The following MCF2 variants were observed in gnomAD, a reference collection of about 807,000 sequenced individuals.
MCF2 encodes proto-oncogene DBL.
In MCF2, 44 loss-of-function variants were observed where a neutral mutation model predicts 82.5. The observed-to-expected ratio is 0.53, with a 90% CI of 0.42 to 0.69. The LOEUF (loss-of-function observed/expected upper bound fraction) is 0.69. Ranked by LOEUF, MCF2 falls within the 30% of genes least tolerant of loss-of-function variation. MCF2 has a pLI of 0.00. For synonymous variants in MCF2, 217 were observed against 224.9 expected, an observed-to-expected ratio of 0.96 and a Z score of 0.32; for missense variants, 623 against 663.1, an observed-to-expected ratio of 0.94 and a Z score of 0.66.
chrX:139,670,091 T>A (rs1238053085), intron 1 of MCF2, among the ~76,000 whole-genome samples: 1 of 111,511 alleles, frequency 9.0e-6, no homozygotes, highest in African/African-American at 3.3e-5. Context: ...AAGGAAAAAT[T>A]TGGTATTTAT....
rs757075883 is a variant in MCF2 at position 139,620,025 on chromosome X, G to A, written c.688-319C>T. ...TGTGTGTGTGTGTGTGTGTGTGTGT[G>A]TGTATATATATATAGCAAATATCTA... is the stretch of plus-strand genomic sequence containing the variant. On this transcript the variant is annotated intron_variant, in intron 6 of 24. Transcript: ENST00000370576. Among the ~76,000 whole-genome samples, 801 of 100,667 alleles carry A rather than the reference G, an allele frequency of 8.0e-3. 13 individuals are homozygous for A. Among genetic ancestry groups the A allele is most frequent in the African/African-American group, 0.029 (752 of 25,748 alleles). The allele number at this position is 100,667 out of a possible 115,157, so 87.4% of individuals were successfully genotyped here.
In MCF2 at chrX:139,679,526, C is replaced by G. The variant is rs747167134; in HGVS notation, c.-44-27738G>C. 2.7e-5 allele frequency among the ~76,000 whole-genome samples: 3 copies of G among 110,713 alleles called. No homozygotes were observed. In the East Asian group the frequency reaches 8.6e-4, roughly 32 times the overall value. ...ATCTTATATCAGGCCCTGTGCAGCA[C>G]TGGGGATAGATACAGAAACCAGTTA... is the stretch of plus-strand genomic sequence containing the variant. On this transcript the variant is annotated intron_variant, in intron 1 of 27. Coordinates refer to the MCF2 transcript ENST00000414978.
intron 1 of MCF2, among the ~76,000 whole-genome samples, chrX:139,638,019 A>T (rs1384085568): frequency 9.0e-6 from 1 of 111,610 alleles, no homozygotes; most frequent in Non-Finnish European, 1.9e-5. Context: ...TCCAGAAGGA[A>T]CACAGCTCTG....
rs56147698 is a variant in MCF2 at position 139,589,818 on chromosome X, A to AT, written c.2370+16dup. 12,083 of 1,128,692 alleles carry AT rather than the reference A, an allele frequency of 0.011. 74 individuals carry two copies. Among genetic ancestry groups the AT allele is most frequent in the Non-Finnish European group, 0.011 (9,230 of 836,637 alleles). 93.0% of individuals were successfully genotyped at this position (1,128,692 alleles called of 1,213,427 possible). A position where few individuals can be genotyped will look rare whatever the true frequency, so the allele number is the denominator to read the frequency against. ...AATGCAGGTTTGGGTTTCTAGAAGAATTTTCAAATGACCAACCTGGACAAT... is the reference window on the plus strand; with the variant it reads ...AATGCAGGTTTGGGTTTCTAGAAGAATTTTTCAAATGACCAACCTGGACAAT... On this transcript the variant is annotated intron_variant, in intron 20 of 24. Transcript: ENST00000370576.
At chrX:139,613,098 A>C (rs1180513393) in intron 10 of MCF2, 118 bp downstream of exon 14, 2 of 449,023 alleles carry the variant, frequency 4.5e-6, no homozygotes, top group Non-Finnish European at 7.7e-6. Flanking sequence ...GGAAAAAGTT[A>C]CTTGCAGGTA....
At chrX:139,628,880 A>C (rs974478924) in intron 4 of MCF2, among the ~76,000 whole-genome samples, 3 of 111,304 alleles carry the variant, frequency 2.7e-5, no homozygotes, top group African/African-American at 9.8e-5. Flanking sequence ...GAGAGCACAA[A>C]CAATTTGCAA....
intron 19 of MCF2, among the ~76,000 whole-genome samples, chrX:139,592,444 G>C (rs1490303153): frequency 2.7e-5 from 3 of 111,469 alleles, no homozygotes; most frequent in Non-Finnish European, 3.8e-5. Flanking sequence ...CAAATTAAAG[G>C]TAAAATAGAA....
chrX:139,680,114 T>G (rs182727552), intron 1 of MCF2, among the ~76,000 whole-genome samples: 1 of 111,558 alleles, frequency 9.0e-6, no homozygotes, highest in East Asian at 2.8e-4. Flanking sequence ...CTTTACTTAT[T>G]TTTTATTATT....
At chrX:139,581,821 T>C (rs938267044) in exon 25 of MCF2, 1 of 112,055 alleles carries the variant, frequency 8.9e-6, no homozygotes, top group Admixed American at 9.5e-5. Flanking sequence ...ACATGAAATA[T>C]ACAGAAAATA....
chrX:139,632,787 G>T (rs972686028), intron 1 of MCF2, among the ~76,000 whole-genome samples: 3 of 111,318 alleles, frequency 2.7e-5, no homozygotes, highest in Admixed American at 9.6e-5. Flanking sequence ...AAAACAAATA[G>T]AATTAGGTGG....
chrX:139,584,363 G>A (rs1368324735), intron 24 of MCF2, among the ~76,000 whole-genome samples: 2 of 110,752 alleles, frequency 1.8e-5, no homozygotes, highest in Non-Finnish European at 3.8e-5. Flanking sequence ...ACTGCCAAAT[G>A]TAATTGATTC....
At chrX:139,596,087 A>C (rs1930067416) in intron 19 of MCF2, among the ~76,000 whole-genome samples, 1 of 111,523 alleles carries the variant, frequency 9.0e-6, no homozygotes, top group African/African-American at 3.3e-5. Flanking sequence ...ACAGAAAGGA[A>C]GGTGGGGACA....
intron 1 of MCF2, among the ~76,000 whole-genome samples, chrX:139,696,869 T>C (rs568335128): frequency 7.1e-5 from 8 of 112,187 alleles, no homozygotes; most frequent in Admixed American, 6.6e-4. Context: ...AACTCCTCAT[T>C]TATAGAATAA....
chrX:139,655,401 T>C (rs1934162324), intron 1 of MCF2, among the ~76,000 whole-genome samples: 1 of 112,014 alleles, frequency 8.9e-6, no homozygotes, highest in African/African-American at 3.2e-5. Context: ...TGTGATCAGA[T>C]TGCTTTCTTG....
At chrX:139,648,096 G>A (rs1176790327) in intron 2 of MCF2, among the ~76,000 whole-genome samples, 2 of 111,715 alleles carry the variant, frequency 1.8e-5, no homozygotes, top group Non-Finnish European at 3.8e-5. Context: ...TACAGGCCGG[G>A]CACAGTGGTT....
intron 1 of MCF2, among the ~76,000 whole-genome samples, chrX:139,682,852 G>A (rs761434902): frequency 6.2e-4 from 70 of 112,339 alleles, no homozygotes; most frequent in Non-Finnish European, 1.1e-3. Context: ...GGAGAGATCA[G>A]GTTGATACCT....
At chrX:139,599,984 T>C (rs1930414410) in intron 16 of MCF2, among the ~76,000 whole-genome samples, 1 of 111,843 alleles carries the variant, frequency 8.9e-6, no homozygotes, top group Non-Finnish European at 1.9e-5. Context: ...CAACCATAAA[T>C]AGGAATAAAA....
chrX:139,687,708 G>A (rs965479176), intron 1 of MCF2, among the ~76,000 whole-genome samples: 7 of 112,590 alleles, frequency 6.2e-5, no homozygotes, highest in Non-Finnish European at 1.3e-4. Context: ...TTACAAGGAA[G>A]TAAAATATTA....
intron 19 of MCF2, among the ~76,000 whole-genome samples, chrX:139,594,798 A>C (rs1239432099): frequency 1.8e-5 from 2 of 110,650 alleles, no homozygotes; most frequent in Non-Finnish European, 3.8e-5. Context: ...CAACCTACAG[A>C]ATGGGAGAAA....
Sources: gnomAD v4.1 joint callset for allele counts (sites outside exome capture counted in the v4.1 genomes callset) on GRCh38, gnomAD v4.1.1 for gene constraint, MANE v1.5 for transcripts, NCBI Gene and HGNC (gene_info 2026-07-23, HGNC 2026-07-21) for gene names.